Variants in LRMDA observed in about 807,000 individuals in gnomAD.
The protein encoded by LRMDA is leucine rich melanocyte differentiation associated.
In LRMDA, 18 loss-of-function variants were observed where a neutral mutation model predicts 29.8. The ratio of observed to expected loss-of-function variants is 0.60; its 90% CI spans 0.42 to 0.90. The LOEUF is 0.90. LRMDA is among the 40% of genes least tolerant of loss of function. LRMDA has a pLI of 0.00. For synonymous variants in LRMDA, 125 were observed against 109.4 expected (o/e 1.14, Z -0.89); for missense variants, 273 against 273.9 (o/e 1.00, Z 0.02).
At chr10:75,839,831 C>G (rs1169198600) in intron 2 of LRMDA, among the ~76,000 whole-genome samples, 2 of 151,554 alleles carry the variant, frequency 1.3e-5, no homozygotes, top group Non-Finnish European at 2.9e-5. Context: ...GCCTCAGCCT[C>G]CCGAGTAGCT....
intron 2 of LRMDA, among the ~76,000 whole-genome samples, chr10:75,960,446 G>A (rs749591754): frequency 6.6e-6 from 1 of 152,196 alleles, no homozygotes; most frequent in Non-Finnish European, 1.5e-5. Context: ...TTCTTCATGA[G>A]AGAATCACTT....
chr10:76,252,038 A>T (rs972403330), intron 5 of LRMDA, among the ~76,000 whole-genome samples: 21 of 152,218 alleles, frequency 1.4e-4, no homozygotes, highest in African/African-American at 5.1e-4. Context: ...GTCACTTCCC[A>T]TAAGTTATGG....
At chr10:75,992,358 C>G (rs1847385988) in intron 2 of LRMDA, among the ~76,000 whole-genome samples, 2 of 152,156 alleles carry the variant, frequency 1.3e-5, no homozygotes, top group Non-Finnish European at 2.9e-5. Context: ...GTGGTCGATG[C>G]TCCTGACAGA....
intron 2 of LRMDA, among the ~76,000 whole-genome samples, chr10:75,574,705 G>T (rs3001917): frequency 1.3e-5 from 2 of 151,916 alleles, no homozygotes; most frequent in Non-Finnish European, 2.9e-5. Context: ...CTTATCCACC[G>T]TGGGGCTTCA....
chr10:75,761,794 G>A (rs866368144), intron 2 of LRMDA, among the ~76,000 whole-genome samples: 2 of 121,694 alleles, frequency 1.6e-5, no homozygotes, highest in African/African-American at 3.4e-5. Context: ...GTATACTTTT[G>A]TTTTTTTTTT....
intron 3 of LRMDA, among the ~76,000 whole-genome samples, chr10:76,045,986 TCTC>T (rs1280993768): frequency 6.6e-6 from 1 of 152,184 alleles, no homozygotes; most frequent in Non-Finnish European, 1.5e-5. Context: ...GATTTTACCT[TCTC>T]CTAGGTTCAA....
At chr10:75,791,850 C>T (rs968409546) in intron 2 of LRMDA, among the ~76,000 whole-genome samples, 1 of 143,956 alleles carries the variant, frequency 6.9e-6, no homozygotes, top group Non-Finnish European at 1.5e-5. Context: ...TTTGGGATTC[C>T]AGGATCTTTT....
intron 6 of LRMDA, among the ~76,000 whole-genome samples, chr10:76,367,784 G>T (rs1457251486): frequency 6.6e-6 from 1 of 152,102 alleles, no homozygotes; most frequent in Non-Finnish European, 1.5e-5. Flanking sequence ...CTTGCTGCTT[G>T]TTATTTGTCT....
intron 2 of LRMDA, among the ~76,000 whole-genome samples, chr10:75,692,999 C>A (rs950394439): frequency 3.9e-5 from 6 of 152,136 alleles, no homozygotes; most frequent in African/African-American, 1.4e-4. Context: ...TTGTATTCAT[C>A]CTGCCCTGTT....
intron 2 of LRMDA, among the ~76,000 whole-genome samples, chr10:75,705,658 GT>G (rs1163718222): frequency 6.6e-6 from 1 of 152,176 alleles, no homozygotes; most frequent in Non-Finnish European, 1.5e-5. Flanking sequence ...TGAGTAGGTG[GT>G]GATGTGTGGG....
chr10:76,056,824 T>G (rs1177137325), intron 4 of LRMDA, among the ~76,000 whole-genome samples: 3 of 152,150 alleles, frequency 2.0e-5, no homozygotes, highest in Non-Finnish European at 4.4e-5. Context: ...CAGCTGCAGC[T>G]GGGCAGCTGC....
At chr10:75,552,547 C>A in intron 2 of LRMDA, 1 of 487,980 alleles carries the variant, frequency 2.0e-6, no homozygotes, top group Non-Finnish European at 4.3e-6. Flanking sequence ...ATACAAGTGC[C>A]TGACCACTTC....
At position 75,656,398 on chromosome 10, in the gene LRMDA, C is replaced by G. The variant is rs144479553; in HGVS notation, c.131+217904C>G. On this transcript the variant is annotated intron_variant, in intron 2 of 6. Transcript: ENST00000611255. ...TAGAAGTACCCACTTCCTATGATTC[C>G]ATTCTATGAATTACCTATTGTTGGT... Among the ~76,000 whole-genome samples, 3 of 152,320 alleles carry G rather than the reference C, an allele frequency of 2.0e-5. No homozygotes were observed. The East Asian group carries it at 5.8e-4, about 29-fold the overall frequency.
chr10:76,469,029 T>G (rs1842592363), intron 6 of LRMDA, among the ~76,000 whole-genome samples: 1 of 151,810 alleles, frequency 6.6e-6, no homozygotes, highest in Non-Finnish European at 1.5e-5. Flanking sequence ...CCATTCGGAG[T>G]CTCTGGATAT....
chr10:76,079,754 G>C (rs966731472), intron 5 of LRMDA, among the ~76,000 whole-genome samples: 18 of 152,198 alleles, frequency 1.2e-4, no homozygotes, highest in African/African-American at 4.3e-4. Context: ...ATCTGATAAT[G>C]ATGGAGATGG....
intron 5 of LRMDA, among the ~76,000 whole-genome samples, chr10:76,278,492 C>T (rs963370362): frequency 3.3e-5 from 5 of 152,154 alleles, no homozygotes; most frequent in Non-Finnish European, 7.4e-5. Context: ...GGCAGGCGTT[C>T]CTCGCTTCTG....
intron 5 of LRMDA, among the ~76,000 whole-genome samples, chr10:76,256,770 C>T (rs1852601734): frequency 2.0e-5 from 3 of 152,038 alleles, no homozygotes; most frequent in Non-Finnish European, 4.4e-5. Flanking sequence ...TAAGACACAT[C>T]GTATTCTATA....
intron 5 of LRMDA, among the ~76,000 whole-genome samples, chr10:76,141,751 A>G (rs1335054777): frequency 3.3e-5 from 5 of 152,142 alleles, no homozygotes; most frequent in Admixed American, 1.3e-4. Flanking sequence ...CCCTTGGTCC[A>G]TCAGCCCCAA....
chr10:75,864,688 T>G (rs1372845264), intron 2 of LRMDA, among the ~76,000 whole-genome samples: 2 of 152,234 alleles, frequency 1.3e-5, no homozygotes, highest in African/African-American at 4.8e-5. Context: ...TGGCAGTGAT[T>G]CTTTGAAATA....
Sources: gnomAD v4.1 joint callset for allele counts (sites outside exome capture counted in the v4.1 genomes callset) on GRCh38, gnomAD v4.1.1 for gene constraint, MANE v1.5 for transcripts, NCBI Gene and HGNC (gene_info 2026-07-23, HGNC 2026-07-21) for gene names.